PCDHGA3: variants seen among roughly 807,000 people sequenced by gnomAD.
PCDHGA3 encodes the protein protocadherin gamma subfamily A, 3, also known as protocadherin gamma-A3.
PCDHGA3 carries 40 observed loss-of-function variants against 58.5 expected under a neutral mutation model. That is an observed-to-expected ratio of 0.68 (90% CI 0.53 to 0.89). PCDHGA3 has a LOEUF of 0.89. Among genes scored for constraint, PCDHGA3 ranks in the 40% least tolerant of loss-of-function variants. The probability of loss-of-function intolerance (pLI) is 0.00; values close to 1 mark genes in which losing one functional copy is unlikely to be tolerated. For missense variants in PCDHGA3, 1,223 were observed against 1,195.9 expected, an observed-to-expected ratio of 1.02 and a Z score of -0.33; for synonymous variants, 530 against 525.7, an observed-to-expected ratio of 1.01 and a Z score of -0.11.
In PCDHGA3 at chr5:141,366,563, G is replaced by A. The variant is rs369803383; in HGVS notation, c.2424+20106G>A. 2.0e-5 allele frequency: 32 copies of A among 1,614,130 alleles called. No individual in the cohort carries two copies. The African/African-American group carries it at 3.1e-4, about 15-fold the overall frequency. On this transcript the variant is annotated intron_variant, in intron 1 of 3. Coordinates refer to ENST00000253812, the MANE Select transcript of PCDHGA3 (RefSeq NM_018916.4). ...CGCCTCGCACTTTGTGGGCGTGGAT[G>A]GGGTTCGGGCTTTCCTGCAGACCTA...
At position 141,370,660 on chromosome 5, in the gene PCDHGA3, G is replaced by T. The variant is rs199537402; in HGVS notation, c.2424+24203G>T. 1.4e-4 allele frequency: 220 copies of T among 1,613,752 alleles called. No individual in the cohort carries two copies. The highest frequency in any genetic ancestry group is 4.9e-4 in the Middle Eastern group (3 of 6,084). Reference sequence around the variant, plus strand: ...AATGGGAACTTACTTGTGAGCGACCGTATAGACCGAGAGGAGATTTGTGGC... The same window carrying T: ...AATGGGAACTTACTTGTGAGCGACCTTATAGACCGAGAGGAGATTTGTGGC... On this transcript the variant is annotated intron_variant, in intron 1 of 3. Transcript: ENST00000253812.
At chr5:141,455,041 T>C (rs971722465) in intron 1 of PCDHGA3, among the ~76,000 whole-genome samples, 2 of 151,234 alleles carry the variant, frequency 1.3e-5, no homozygotes, top group Non-Finnish European at 2.9e-5. Flanking sequence ...CTCGATCTCC[T>C]GACCTCGTGA....
intron 1 of PCDHGA3, chr5:141,376,063 C>T (rs1392618102): frequency 1.9e-6 from 3 of 1,613,444 alleles, no homozygotes; most frequent in Non-Finnish European, 2.5e-6. Context: ...CTGTCACGCT[C>T]ACCGTGGCCG....
chr5:141,487,864 C>A lies in PCDHGA3; in HGVS notation c.2425-6943C>A. On this transcript the variant is annotated intron_variant, in intron 1 of 3. Coordinates refer to ENST00000253812, the MANE Select transcript of PCDHGA3 (RefSeq NM_018916.4). The surrounding 1 kb of genome is among the most constrained non-coding windows in gnomAD (Gnocchi z 5.0). ...GTAAGAAATGAAAGTAATTGGTGAT[C>A]AAGAGCCAGGCTGTTGTGGAAGCAT... 1 of 899,610 alleles carries A rather than the reference C, an allele frequency of 1.1e-6. No individual in the cohort carries two copies. Among genetic ancestry groups the A allele is most frequent in the Non-Finnish European group, 1.7e-6 (1 of 599,584 alleles). The allele number at this position is 899,610 out of a possible 1,614,324, so 55.7% of individuals were successfully genotyped here.
chr5:141,355,125 C>T (rs1759721268), intron 1 of PCDHGA3: 3 of 1,516,258 alleles, frequency 2.0e-6, no homozygotes, highest in African/African-American at 1.4e-5. Flanking sequence ...TTATTTTGGA[C>T]CCAGAAGATC....
intron 1 of PCDHGA3, chr5:141,360,531 A>G (rs766268377): frequency 5.0e-6 from 8 of 1,613,872 alleles, no homozygotes; most frequent in South Asian, 1.1e-5. Flanking sequence ...ATACCCCGCT[A>G]TTCAAACAGA....
At chr5:141,509,106 A>T (rs1159119530) in intron 3 of PCDHGA3, among the ~76,000 whole-genome samples, 1 of 152,102 alleles carries the variant, frequency 6.6e-6, no homozygotes, top group Non-Finnish European at 1.5e-5. Flanking sequence ...TAGAAACCTG[A>T]GCGCTGGTGC....
intron 1 of PCDHGA3, chr5:141,410,157 C>T: frequency 6.2e-7 from 1 of 1,613,546 alleles, no homozygotes; most frequent in Non-Finnish European, 8.5e-7. Context: ...GGTGGACAGC[C>T]GCCACTCTCT....
chr5:141,423,648 G>T, intron 1 of PCDHGA3: 1 of 1,590,008 alleles, frequency 6.3e-7, no homozygotes, highest in Admixed American at 1.8e-5. Context: ...AATGTGACCC[G>T]ACAAGTAATC....
intron 1 of PCDHGA3, chr5:141,419,835 C>T: frequency 1.2e-6 from 2 of 1,614,084 alleles, no homozygotes; most frequent in African/African-American, 1.3e-5. Flanking sequence ...GCCACTGCCA[C>T]GCTGCACCTG....
rs372018713 is a variant in PCDHGA3, at chr5:141,418,097, C to G, written c.2424+71640C>G. ...GAAGCTGCACTTCAGCGTAGACGCG[C>G]AGAGCGGGGACTTACTTGTGAAGGA... On this transcript the variant is annotated intron_variant, in intron 1 of 3. Coordinates refer to ENST00000253812, the MANE Select transcript of PCDHGA3 (RefSeq NM_018916.4). The G allele has an allele frequency of 5.7e-4, 921 of 1,613,980 alleles. 9 individuals are homozygous for G. The South Asian group carries it at 6.8e-3, about 12-fold the overall frequency.
intron 1 of PCDHGA3, chr5:141,392,231 C>T (rs1225616326): frequency 6.6e-6 from 1 of 152,078 alleles, no homozygotes; most frequent in Non-Finnish European, 1.5e-5. Context: ...AACTGAAGTT[C>T]TTAGTTATTT....
intron 2 of PCDHGA3, among the ~76,000 whole-genome samples, chr5:141,498,747 C>T (rs1363145286): frequency 6.6e-6 from 1 of 152,106 alleles, no homozygotes; most frequent in Non-Finnish European, 1.5e-5. Context: ...GCCTGGCCAA[C>T]ATGATGAAAC....
chr5:141,417,783 C>T, intron 1 of PCDHGA3: 1 of 1,474,286 alleles, frequency 6.8e-7, no homozygotes, highest in Non-Finnish European at 9.0e-7. Flanking sequence ...TGTCCTGGGC[C>T]GAATGCTCTT....
Position 141,422,925 on chromosome 5 carries a change from T to C in PCDHGA3, c.2425-71882T>C, listed in dbSNP as rs568894245. ...ACAATGCGCCCGAGATCCTGTACCC[T>C]GCCCTCCCCACAGACGGCTCCACTG... On this transcript the variant is annotated intron_variant, in intron 1 of 3. Transcript: ENST00000253812. 1.4e-4 allele frequency: 220 copies of C among 1,614,202 alleles called. 2 individuals are homozygous for C. The South Asian group carries it at 2.2e-3, about 16-fold the overall frequency.
chr5:141,422,909 C>T (rs1260941191), intron 1 of PCDHGA3: 1 of 1,614,252 alleles, frequency 6.2e-7, no homozygotes, highest in East Asian at 2.2e-5. Flanking sequence ...GACAATGCGC[C>T]CGAGATCCTG....
chr5:141,493,935 C>T lies in PCDHGA3; in HGVS notation c.2425-872C>T, dbSNP rs1317863228. Among the ~76,000 whole-genome samples the T allele has an allele frequency of 6.6e-6, 1 of 152,158 alleles. No homozygotes were observed. Among genetic ancestry groups the T allele is most frequent in the Non-Finnish European group, 1.5e-5 (1 of 68,020 alleles). On this transcript the variant is annotated intron_variant, in intron 1 of 3. Coordinates refer to ENST00000253812, the MANE Select transcript of PCDHGA3 (RefSeq NM_018916.4). This position sits in a 1 kb window ranked among gnomAD's most constrained non-coding sequence, Gnocchi z 4.3. Reference sequence around the variant, plus strand: ...TGGGATAACACACCCCCTGGAAAGACCAGAAGGGACTCAGGAATGAAGTGG... The same window carrying T: ...TGGGATAACACACCCCCTGGAAAGATCAGAAGGGACTCAGGAATGAAGTGG...
chr5:141,375,770 C>T, intron 1 of PCDHGA3: 1 of 1,614,268 alleles, frequency 6.2e-7, no homozygotes, highest in East Asian at 2.2e-5. Flanking sequence ...GCCCGAGATC[C>T]TGTACCCCGC....
In PCDHGA3 at chr5:141,490,935, G is replaced by A. The variant is rs1371144225; in HGVS notation, c.2425-3872G>A. On this transcript the variant is annotated intron_variant, in intron 1 of 3. Transcript: ENST00000253812. The surrounding 1 kb of genome is among the most constrained non-coding windows in gnomAD (Gnocchi z 5.4). ...AGAATGATAATGCCCCAGCTGTGCTGCACCCACGGCCAGACTGGGAACACT... is the reference window on the plus strand; with the variant it reads ...AGAATGATAATGCCCCAGCTGTGCTACACCCACGGCCAGACTGGGAACACT... 1.9e-6 allele frequency: 3 copies of A among 1,613,638 alleles called. No homozygotes were observed. The highest frequency in any genetic ancestry group is 2.2e-5 in the South Asian group (2 of 91,032).
Sources: gnomAD v4.1 joint callset for allele counts (sites outside exome capture counted in the v4.1 genomes callset) on GRCh38, gnomAD v4.1.1 for gene constraint, Gnocchi (gnomAD v3.1) non-coding constraint, MANE v1.5 for transcripts, NCBI Gene and HGNC (gene_info 2026-07-23, HGNC 2026-07-21) for gene names.